TMEM114: variants seen among roughly 807,000 people sequenced by gnomAD.
The protein encoded by TMEM114 is claudin-26.
Under a neutral mutation model 6.2 loss-of-function variants are expected in TMEM114, and 6 were observed. The observed-to-expected ratio is 0.97, with a 90% CI of 0.53 to 1.91. The LOEUF is 1.91. TMEM114 is among the 40% of genes most tolerant of loss of function. The pLI, the probability that TMEM114 is intolerant of heterozygous loss-of-function variation, is 0.01. For synonymous variants in TMEM114, 104 were observed against 73.0 expected, an observed-to-expected ratio of 1.42 and a Z score of -2.16; for missense variants, 218 against 158.3, an observed-to-expected ratio of 1.38 and a Z score of -2.02.
chr16:8,565,086 T>C (rs1469561738), downstream of TMEM114, among the ~76,000 whole-genome samples: 2 of 117,252 alleles, frequency 1.7e-5, no homozygotes, highest in East Asian at 5.5e-4. Flanking sequence ...AGTGAATGAG[T>C]AAATTAATGA....
downstream of TMEM114, among the ~76,000 whole-genome samples, chr16:8,536,063 T>A (rs1330106803): frequency 6.6e-6 from 1 of 151,992 alleles, no homozygotes; most frequent in Non-Finnish European, 1.5e-5. Context: ...CCGTCTCTAC[T>A]AAAAATACAA....
chr16:8,534,282 C>G (rs533050589), downstream of TMEM114, among the ~76,000 whole-genome samples: 7 of 151,944 alleles, frequency 4.6e-5, no homozygotes, highest in Admixed American at 6.6e-5. Flanking sequence ...GACCGGAGGA[C>G]TCGCTTAAGC....
At chr16:8,533,016 G>C (rs1900260795), downstream of TMEM114, among the ~76,000 whole-genome samples, 1 of 152,214 alleles carries the variant, frequency 6.6e-6, no homozygotes, top group Non-Finnish European at 1.5e-5. Context: ...ATTCTAAGCA[G>C]TAGGGATATC....
chr16:8,553,631 G>T (rs144750016), intron 2 of TMEM114, among the ~76,000 whole-genome samples: 1 of 151,880 alleles, frequency 6.6e-6, no homozygotes, highest in African/African-American at 2.4e-5. Flanking sequence ...GACTGCCGGC[G>T]CCTGCCATCA....
At chr16:8,553,697 G>T (rs1900915792) in intron 2 of TMEM114, among the ~76,000 whole-genome samples, 1 of 152,070 alleles carries the variant, frequency 6.6e-6, no homozygotes, top group African/African-American at 2.4e-5. Context: ...TAGCCAGGAT[G>T]GTCTTGATCT....
chr16:8,564,382 TGAGG>T (rs1291308253), intron 2 of TMEM114, among the ~76,000 whole-genome samples: 2 of 147,816 alleles, frequency 1.4e-5, no homozygotes, highest in Non-Finnish European at 3.0e-5. Flanking sequence ...AGTGAATGAG[TGAGG>T]GAATGAGTGA....
chr16:8,550,314 C>T (rs1900800343), intron 2 of TMEM114, among the ~76,000 whole-genome samples: 1 of 152,236 alleles, frequency 6.6e-6, no homozygotes, highest in Non-Finnish European at 1.5e-5. Context: ...TCCTTCAAGC[C>T]AATCAAGCTG....
the TMEM114 span, among the ~76,000 whole-genome samples, chr16:8,530,992 G>T: frequency 6.6e-6 from 1 of 152,040 alleles, no homozygotes; most frequent in Admixed American, 6.6e-5. Context: ...CCACTTCACT[G>T]CAGTCCAAGC....
At chr16:8,550,709 A>T (rs1198449114) in intron 2 of TMEM114, among the ~76,000 whole-genome samples, 1 of 140,206 alleles carries the variant, frequency 7.1e-6, no homozygotes, top group African/African-American at 2.5e-5. Flanking sequence ...CCAAAAAAAA[A>T]AAGCAAGCAA....
At chr16:8,569,112 C>A (rs970890621), downstream of TMEM114, among the ~76,000 whole-genome samples, 2 of 152,160 alleles carry the variant, frequency 1.3e-5, no homozygotes, top group Non-Finnish European at 2.9e-5. Context: ...AACAGCACTG[C>A]CCCAGGGGAC....
intron 2 of TMEM114, among the ~76,000 whole-genome samples, chr16:8,560,326 C>G (rs78658716): frequency 6.6e-6 from 1 of 151,934 alleles, no homozygotes; most frequent in Non-Finnish European, 1.5e-5. Context: ...GCATCCTTGA[C>G]CTCCCTGAGT....
At chr16:8,529,121 T>C in the TMEM114 span, among the ~76,000 whole-genome samples, 1 of 152,148 alleles carries the variant, frequency 6.6e-6, no homozygotes, top group African/African-American at 2.4e-5. Flanking sequence ...CTGGAAGAGA[T>C]TGCAGCTGGC....
Position 8,572,092 on chromosome 16 carries a change from A to G in TMEM114, c.434T>C (p.Phe145Ser). 6.5e-7 allele frequency: 1 copy of G among 1,546,860 alleles called. No individual in the cohort carries two copies. Among genetic ancestry groups the G allele is most frequent in the South Asian group, 1.2e-5 (1 of 83,294 alleles). ...TAGGCAGGGTGGGCACCTACCTCCA[A>G]AGAGGAAGAGAATTCCAGTGAGCAG... ...LLLLTGILFL[F>S]GAMVTLAGIS... Residue 145 changes from phenylalanine to serine, a missense_variant, in exon 3 of 4, where the codon TTT becomes TCT. Phe to Ser is a radical substitution (Grantham distance 155). Coordinates refer to ENST00000620492, the MANE Select transcript of TMEM114 (RefSeq NM_001146336.2).
intron 2 of TMEM114, among the ~76,000 whole-genome samples, chr16:8,552,694 C>T (rs1482906109): frequency 6.7e-6 from 1 of 148,188 alleles, no homozygotes; most frequent in Admixed American, 6.7e-5. Flanking sequence ...ATAATTATTT[C>T]AAAATAAATA....
chr16:8,576,395 C>G (rs1019067449), intron 2 of TMEM114, among the ~76,000 whole-genome samples: 1 of 152,226 alleles, frequency 6.6e-6, no homozygotes, highest in Admixed American at 6.5e-5. Flanking sequence ...CACAGCTCCC[C>G]ATGGAGTGTG....
At chr16:8,528,820 T>C in the TMEM114 span, among the ~76,000 whole-genome samples, 1 of 152,244 alleles carries the variant, frequency 6.6e-6, no homozygotes, top group African/African-American at 2.4e-5. Flanking sequence ...ACGCGCTCTG[T>C]GTGTGCTTCT....
intron 2 of TMEM114, among the ~76,000 whole-genome samples, chr16:8,554,475 A>G (rs1011364365): frequency 2.6e-5 from 4 of 152,134 alleles, no homozygotes; most frequent in East Asian, 3.9e-4. Flanking sequence ...TTGACCTCTC[A>G]TAGCCCCTTC....
chr16:8,566,885 C>T (rs983169917), downstream of TMEM114, among the ~76,000 whole-genome samples: 3 of 149,408 alleles, frequency 2.0e-5, no homozygotes, highest in Non-Finnish European at 4.4e-5. Flanking sequence ...CACCTTTCAT[C>T]CCATCACCCT....
downstream of TMEM114, among the ~76,000 whole-genome samples, chr16:8,535,934 G>C (rs1900343281): frequency 6.6e-6 from 1 of 152,154 alleles, no homozygotes; most frequent in South Asian, 2.1e-4. Flanking sequence ...CTTCAAAAAT[G>C]AAGGGAGTGG....
Sources: gnomAD v4.1 joint callset for allele counts (sites outside exome capture counted in the v4.1 genomes callset) on GRCh38, gnomAD v4.1.1 for gene constraint, MANE v1.5 for transcripts, NCBI Gene and HGNC (gene_info 2026-07-23, HGNC 2026-07-21) for gene names.